Variants in EMID1 observed in about 807,000 individuals in gnomAD.
EMID1 encodes EMI domain containing 1, also known as EMI domain-containing protein 1.
A neutral mutation model predicts 60.6 loss-of-function variants in EMID1; 40 were observed. The observed-to-expected ratio is 0.66, with a 90% confidence interval of 0.51 to 0.86. The LOEUF (loss-of-function observed/expected upper bound fraction) is 0.86. EMID1 is among the 40% of genes least tolerant of loss of function. The pLI, the probability that EMID1 is intolerant of heterozygous loss-of-function variation, is 0.00. For synonymous variants in EMID1, 242 were observed against 231.0 expected (o/e 1.05, Z -0.43); for missense variants, 585 against 597.1 (o/e 0.98, Z 0.21).
intron 1 of EMID1, 140 bp downstream of exon 1, chr22:29,206,279 C>A: frequency 1.5e-6 from 1 of 650,046 alleles, no homozygotes. Flanking sequence ...ATCCCGCGGT[C>A]CGGCTGAGGC....
rs756701632 is a variant in EMID1 at position 29,233,609 on chromosome 22, T to C, written c.914-5T>C. On this transcript the variant is annotated splice_polypyrimidine_tract_variant and splice_region_variant and intron_variant, in intron 9 of 14. Transcript: ENST00000334018. ...CGGCCCTTAGGACATCCTGTCTTTT[T>C]CCAGGTCCCCCTGGGCCTCCTGGCC... 1.2e-6 allele frequency: 2 copies of C among 1,613,362 alleles called. No individual in the cohort carries two copies. Among genetic ancestry groups the C allele is most frequent in the East Asian group, 2.2e-5 (1 of 44,866 alleles).
Position 29,231,651 on chromosome 22 carries a change from TCGGGG to T in EMID1, c.647_651del (p.Arg216ProfsTer68). 6.7e-7 allele frequency: 1 copy of T among 1,483,974 alleles called. No individual in the cohort carries two copies. Among genetic ancestry groups the T allele is most frequent in the Non-Finnish European group, 9.0e-7 (1 of 1,112,302 alleles). The allele number at this position is 1,483,974 out of a possible 1,614,324, so 91.9% of individuals were successfully genotyped here. On this transcript the variant is annotated frameshift_variant, in exon 7 of 15. Coordinates refer to ENST00000334018, the MANE Select transcript of EMID1 (RefSeq NM_133455.4). LOFTEE classifies it high-confidence loss of function. ...CCGGCCCCAAGGGAGATGCCGGCAG[TCGGGG>T]CCCAATGGGGATGAGAGGCCCACCA...
chr22:29,238,255 ATTATTAT>A (rs1294446698), intron 12 of EMID1, among the ~76,000 whole-genome samples: 1 of 19,654 alleles, frequency 5.1e-5, no homozygotes, highest in Non-Finnish European at 1.1e-4. Context: ...TTTTCTAAAA[ATTATTAT>A]TATTATTATT....
chr22:29,210,561 G>A (rs1206590844), intron 1 of EMID1, among the ~76,000 whole-genome samples: 3 of 151,012 alleles, frequency 2.0e-5, no homozygotes, highest in Non-Finnish European at 4.4e-5. Flanking sequence ...GAGACAAAGT[G>A]TCACTCTATT....
intron 3 of EMID1, among the ~76,000 whole-genome samples, chr22:29,215,947 A>G (rs1467480300): frequency 6.6e-6 from 1 of 152,224 alleles, no homozygotes; most frequent in Non-Finnish European, 1.5e-5. Context: ...TCTGTATGAC[A>G]CGATAACAGA....
intron 4 of EMID1, among the ~76,000 whole-genome samples, chr22:29,226,202 C>T (rs571206819): frequency 1.3e-5 from 2 of 152,336 alleles, no homozygotes; most frequent in East Asian, 3.9e-4. Flanking sequence ...TTCTTGGCTT[C>T]TGGGAAAAGG....
intron 1 of EMID1, among the ~76,000 whole-genome samples, chr22:29,209,055 C>T (rs559232776): frequency 6.6e-6 from 1 of 152,350 alleles, no homozygotes; most frequent in East Asian, 1.9e-4. Flanking sequence ...ATCATACCAC[C>T]CCTGCCCGCC....
Position 29,234,074 on chromosome 22 carries a change from C to T in EMID1, c.967-63C>T, listed in dbSNP as rs896587574. The T allele has an allele frequency of 1.4e-5, 22 of 1,543,432 alleles. 1 individual carries two copies. In the South Asian group the frequency reaches 2.4e-4, roughly 17 times the overall value. The stretch of plus-strand genomic sequence containing the variant: ...GAGCGCCCTCCCCAACACCTCTGTT[C>T]CCAAGCCCCTGCCCACTCCATCCTG... On this transcript the variant is annotated intron_variant, in intron 10 of 14. Transcript: ENST00000334018.
chr22:29,231,734 G>A (rs966568366), intron 7 of EMID1, 52 bp downstream of exon 7: 3 of 1,419,216 alleles, frequency 2.1e-6, no homozygotes, highest in African/African-American at 1.5e-5. Flanking sequence ...CCCTCCACCA[G>A]GTGGGCCCTT....
chr22:29,247,679 G>A (rs2041372935), intron 13 of EMID1, among the ~76,000 whole-genome samples: 1 of 152,220 alleles, frequency 6.6e-6, no homozygotes, highest in Admixed American at 6.5e-5. Context: ...CGCCCAGGGT[G>A]GAGTGCAGTG....
At chr22:29,251,635 C>T (rs1412609770) in intron 13 of EMID1, among the ~76,000 whole-genome samples, 1 of 152,130 alleles carries the variant, frequency 6.6e-6, no homozygotes, top group Non-Finnish European at 1.5e-5. Flanking sequence ...GTAGCCAGAA[C>T]TACAGGTGTG....
At chr22:29,222,381 A>G (rs1601933711) in intron 3 of EMID1, among the ~76,000 whole-genome samples, 1 of 149,598 alleles carries the variant, frequency 6.7e-6, no homozygotes, top group African/African-American at 2.5e-5. Context: ...GGTGTGAGCC[A>G]CTGCGCCTGG....
chr22:29,248,613 G>A (rs1476689517), intron 13 of EMID1, among the ~76,000 whole-genome samples: 2 of 152,130 alleles, frequency 1.3e-5, no homozygotes, highest in Non-Finnish European at 1.5e-5. Context: ...GGAGTCCAAG[G>A]CAGGAGGATC....
chr22:29,239,291 T>A lies in EMID1; in HGVS notation c.1075-4154T>A, dbSNP rs188562423. ...TTCTTAGAATATCTTTTTTTTCTTT[T>A]AAAAAAAATTTTTTTTTAATGTAGA... On this transcript the variant is annotated intron_variant, in intron 12 of 14. Coordinates refer to ENST00000334018, the MANE Select transcript of EMID1 (RefSeq NM_133455.4). Among the ~76,000 whole-genome samples the A allele has an allele frequency of 2.1e-4, 25 of 120,892 alleles. 3 individuals are homozygous for A. Among genetic ancestry groups the A allele is most frequent in the Middle Eastern group, 4.1e-3 (1 of 242 alleles). 79.3% of individuals were successfully genotyped at this position (120,892 alleles called of 152,430 possible).
intron 12 of EMID1, 80 bp from the exon 13 acceptor site, chr22:29,243,365 C>T: frequency 6.9e-7 from 1 of 1,440,734 alleles, no homozygotes; most frequent in Non-Finnish European, 9.6e-7. Flanking sequence ...TTTCCCCGCT[C>T]TTTTTCCTCC....
In EMID1 at chr22:29,244,638, C is replaced by CA. The variant is rs772867248; in HGVS notation, c.1119+1162dup. 5.6e-3 allele frequency among the ~76,000 whole-genome samples: 592 copies of CA among 105,092 alleles called. 12 individuals carry two copies. The highest frequency in any genetic ancestry group is 0.016 in the African/African-American group (430 of 27,078). 68.9% of individuals were successfully genotyped at this position (105,092 alleles called of 152,430 possible). A position where few individuals can be genotyped will look rare whatever the true frequency, so the allele number is the denominator to read the frequency against. On this transcript the variant is annotated intron_variant, in intron 13 of 14. Coordinates refer to ENST00000334018, the MANE Select transcript of EMID1 (RefSeq NM_133455.4). ...TGGGCGACGGAACGAGACTCTGTCT[C>CA]AAAAAAAAAAAAAGAAAAGAAAAGA...
intron 12 of EMID1, among the ~76,000 whole-genome samples, chr22:29,236,796 C>CTTTTTTTTTTTTTT (rs766501288): frequency 6.9e-6 from 1 of 145,752 alleles, no homozygotes. Flanking sequence ...TCTTTTTTTT[C>CTTTTTTTTTTTTTT]TTTTTTTTTT....
In EMID1 at chr22:29,243,502, C is replaced by A; in HGVS notation, c.1119+13C>A. The A allele has an allele frequency of 6.2e-7, 1 of 1,614,178 alleles. No homozygotes were observed. Among genetic ancestry groups the A allele is most frequent in the Non-Finnish European group, 8.5e-7 (1 of 1,180,014 alleles). On this transcript the variant is annotated intron_variant, in intron 13 of 14. Coordinates refer to ENST00000334018, the MANE Select transcript of EMID1 (RefSeq NM_133455.4). ...GAAGAGCCACTGGGTAAGCTCTGGCCTGGCACTGGCCTCTCCCTGCCTTCT... is the reference window on the plus strand; with the variant it reads ...GAAGAGCCACTGGGTAAGCTCTGGCATGGCACTGGCCTCTCCCTGCCTTCT...
At chr22:29,222,251 A>G (rs2040327321) in intron 3 of EMID1, among the ~76,000 whole-genome samples, 1 of 150,924 alleles carries the variant, frequency 6.6e-6, no homozygotes. Flanking sequence ...GCGCCACCAT[A>G]CCCAGCTAAT....
Sources: allele counts gnomAD v4.1 joint callset (sites outside exome capture counted in the v4.1 genomes callset), GRCh38; gene constraint gnomAD v4.1.1; transcripts MANE v1.5; gene names NCBI Gene and HGNC (gene_info 2026-07-23, HGNC 2026-07-21).